Variants in CRTAM observed in about 807,000 individuals in gnomAD.
The protein encoded by CRTAM is cytotoxic and regulatory T-cell molecule.
A neutral mutation model predicts 50.0 loss-of-function variants in CRTAM; 44 were observed. The ratio of observed to expected loss-of-function variants is 0.88; its 90% confidence interval spans 0.69 to 1.13. The LOEUF (loss-of-function observed/expected upper bound fraction) is 1.13. CRTAM is among the 50% of genes most tolerant of loss of function. The probability of loss-of-function intolerance (pLI) is 0.00; values close to 1 mark genes in which losing one functional copy is unlikely to be tolerated. For synonymous variants in CRTAM, 159 were observed against 169.3 expected (o/e 0.94, Z 0.47); for missense variants, 448 against 457.5 (o/e 0.98, Z 0.19).
chr11:122,843,120 G>A (rs1861819567), intron 1 of CRTAM, among the ~76,000 whole-genome samples: 1 of 152,180 alleles, frequency 6.6e-6, no homozygotes, highest in Non-Finnish European at 1.5e-5. Context: ...AACTGCACTG[G>A]TTTTGTCTAT....
rs571797335 is a variant in CRTAM at position 122,872,120 on chromosome 11, G to C, written c.*721G>C. 22 of 152,236 alleles carry C rather than the reference G, an allele frequency of 1.4e-4. No individual in the cohort carries two copies. The highest frequency in any genetic ancestry group is 5.3e-4 in the African/African-American group (22 of 41,518). The allele number at this position is 152,236 out of a possible 1,614,324, so 9.4% of individuals were successfully genotyped here. On this transcript the variant is annotated 3_prime_UTR_variant, in exon 10 of 10. Coordinates refer to ENST00000227348, the MANE Select transcript of CRTAM (RefSeq NM_019604.4). ...ACTGCACTCCAGCCTGGGCAACAGA[G>C]GGAGACTCTGTCTCAAAAAAAAAGA...
At chr11:122,848,145 T>C (rs1352273647) in intron 1 of CRTAM, among the ~76,000 whole-genome samples, 2 of 152,184 alleles carry the variant, frequency 1.3e-5, no homozygotes, top group Non-Finnish European at 2.9e-5. Flanking sequence ...TAATTAGTAG[T>C]GAATGAGGCC....
chr11:122,861,606 G>GT (rs1256133219), intron 5 of CRTAM, among the ~76,000 whole-genome samples: 1 of 150,674 alleles, frequency 6.6e-6, no homozygotes, highest in Non-Finnish European at 1.5e-5. Flanking sequence ...CGCCCGGCTA[G>GT]TTTTTTGTAT....
At position 122,861,386 on chromosome 11, in the gene CRTAM, GTATATATATATATATATATA is replaced by G. The variant is rs71057304; in HGVS notation, c.653-1062_653-1043del. On this transcript the variant is annotated intron_variant, in intron 5 of 9. Coordinates refer to ENST00000227348, the MANE Select transcript of CRTAM (RefSeq NM_019604.4). ...TACACACACACACACATACATATACGTATATATATATATATATATATATATATATATATATTTTTTTTTTT... is the reference window on the plus strand; with the variant it reads ...TACACACACACACACATACATATACGTATATATATATATATTTTTTTTTTT... Among the ~76,000 whole-genome samples, 149 of 41,822 alleles carry G rather than the reference GTATATATATATATATATATA, an allele frequency of 3.6e-3. 7 individuals are homozygous for G. Among genetic ancestry groups the G allele is most frequent in the Admixed American group, 0.022 (52 of 2,418 alleles). The allele number at this position is 41,822 out of a possible 152,430, so 27.4% of individuals were successfully genotyped here. A position where few individuals can be genotyped will look rare whatever the true frequency, so the allele number is the denominator to read the frequency against.
At chr11:122,864,941 T>C (rs535331590) in intron 7 of CRTAM, among the ~76,000 whole-genome samples, 1 of 152,328 alleles carries the variant, frequency 6.6e-6, no homozygotes, top group East Asian at 1.9e-4. Context: ...CTTCTCTGTA[T>C]CCATTAATTA....
chr11:122,865,263 G>A (rs531015998), intron 7 of CRTAM, among the ~76,000 whole-genome samples: 38 of 152,216 alleles, frequency 2.5e-4, no homozygotes, highest in African/African-American at 8.4e-4. Flanking sequence ...TTGAACTCCC[G>A]ACCTCCGGTG....
intron 9 of CRTAM, 82 bp from the exon 10 acceptor site, chr11:122,871,182 AATATG>A: frequency 7.9e-7 from 1 of 1,270,774 alleles, no homozygotes; most frequent in South Asian, 1.6e-5. Flanking sequence ...TGAACCTAAA[AATATG>A]ATATCCAATC....
chr11:122,865,354 A>C (rs1230007835), intron 7 of CRTAM, among the ~76,000 whole-genome samples: 4 of 151,950 alleles, frequency 2.6e-5, no homozygotes, highest in Non-Finnish European at 5.9e-5. Flanking sequence ...TTATTTTTTA[A>C]AGAGTTTACT....
chr11:122,862,371 C>A, intron 5 of CRTAM, 93 bp from the exon 6 acceptor site: 2 of 809,644 alleles, frequency 2.5e-6, no homozygotes, highest in South Asian at 1.4e-5. Context: ...AAGCAGGTAG[C>A]CGCTAAATAT....
chr11:122,838,722 T>A (rs1406419281), intron 1 of CRTAM, 130 bp downstream of exon 1: 2 of 749,194 alleles, frequency 2.7e-6, no homozygotes, highest in Non-Finnish European at 4.5e-6. Context: ...GCTAATACTT[T>A]CCAAGCCATG....
intron 5 of CRTAM, 85 bp downstream of exon 5, chr11:122,855,941 A>G: frequency 9.2e-7 from 1 of 1,089,888 alleles, no homozygotes; most frequent in Non-Finnish European, 1.3e-6. Flanking sequence ...CAGTGGGCAG[A>G]GTCCTTCAGA....
intron 6 of CRTAM, among the ~76,000 whole-genome samples, chr11:122,863,632 T>C (rs1862128468): frequency 6.7e-6 from 1 of 150,030 alleles, no homozygotes; most frequent in Admixed American, 6.6e-5. Context: ...ACATGTACCA[T>C]ACAATTTTTT....
intron 7 of CRTAM, 148 bp downstream of exon 7, chr11:122,864,867 A>G (rs1862148394): frequency 1.6e-6 from 1 of 613,098 alleles, no homozygotes; most frequent in Non-Finnish European, 2.9e-6. Context: ...TCCCTCCTTG[A>G]TTTAGTTACC....
chr11:122,867,356 A>C (rs1206235236), intron 7 of CRTAM, 53 bp from the exon 8 acceptor site: 69 of 1,752 alleles, frequency 0.039, no homozygotes, highest in Non-Finnish European at 0.063. Context: ...TCCAGTGGCA[A>C]AAAAAAAAAA....
intron 5 of CRTAM, among the ~76,000 whole-genome samples, chr11:122,860,241 G>A (rs1862054298): frequency 6.6e-6 from 1 of 152,032 alleles, no homozygotes; most frequent in African/African-American, 2.4e-5. Flanking sequence ...AGTAGAGTCA[G>A]GTTTCACCAT....
intron 4 of CRTAM, 135 bp from the exon 5 acceptor site, chr11:122,855,560 A>G (rs1861994401): frequency 1.5e-6 from 1 of 677,010 alleles, no homozygotes; most frequent in African/African-American, 1.8e-5. Context: ...CCAAGCCTAT[A>G]CAAGGGAACT....
At chr11:122,858,382 C>T (rs1862031778) in intron 5 of CRTAM, among the ~76,000 whole-genome samples, 4 of 152,116 alleles carry the variant, frequency 2.6e-5, no homozygotes, top group African/African-American at 7.2e-5. Context: ...TGAGCCACCA[C>T]GCCCTGCTAA....
chr11:122,847,043 A>G (rs1861872892), intron 1 of CRTAM, among the ~76,000 whole-genome samples: 1 of 152,208 alleles, frequency 6.6e-6, no homozygotes, highest in Admixed American at 6.5e-5. Flanking sequence ...ACTATATACC[A>G]AGTAAAAGAA....
At chr11:122,855,517 C>T (rs555425134) in intron 4 of CRTAM, among the ~76,000 whole-genome samples, 178 bp from the exon 5 acceptor site, 1 of 152,234 alleles carries the variant, frequency 6.6e-6, no homozygotes, top group East Asian at 1.9e-4. Flanking sequence ...CCATCATCTA[C>T]TCTCATTCAT....
Sources: allele counts gnomAD v4.1 joint callset (sites outside exome capture counted in the v4.1 genomes callset), GRCh38; gene constraint gnomAD v4.1.1; transcripts MANE v1.5; gene names NCBI Gene and HGNC (gene_info 2026-07-23, HGNC 2026-07-21).